Variants in LYRM4 observed in about 807,000 individuals in gnomAD.
The protein encoded by LYRM4 is LYR motif-containing protein 4.
A neutral mutation model predicts 11.7 loss-of-function variants in LYRM4; 9 were observed. The observed-to-expected ratio is 0.77, with a 90% CI of 0.46 to 1.34. The LOEUF (loss-of-function observed/expected upper bound fraction) is 1.34. LYRM4 is among the 40% of genes most tolerant of loss of function. The probability of loss-of-function intolerance (pLI) is 0.00; values close to 1 mark genes in which losing one functional copy is unlikely to be tolerated. For synonymous variants in LYRM4, 42 were observed against 40.4 expected (o/e 1.04, Z -0.15); for missense variants, 133 against 112.5 (o/e 1.18, Z -0.82).
At position 5,109,284 on chromosome 6, in the gene LYRM4, T is replaced by C. The variant is rs1461776024; in HGVS notation, c.*139A>G. On this transcript the variant is annotated 3_prime_UTR_variant, in exon 3 of 3. Transcript: ENST00000330636. The stretch of plus-strand genomic sequence containing the variant: ...CACTAAGCCTGCAACAGAATGCAAA[T>C]GTGACTTGGTTTATCAGCTCCCACA... 1 of 1,525,434 alleles carries C rather than the reference T, an allele frequency of 6.6e-7. No individual in the cohort carries two copies. The highest frequency in any genetic ancestry group is 8.8e-7 in the Non-Finnish European group (1 of 1,134,264). 94.5% of individuals were successfully genotyped at this position (1,525,434 alleles called of 1,614,324 possible). A position where few individuals can be genotyped will look rare whatever the true frequency, so the allele number is the denominator to read the frequency against.
chr6:5,218,474 T>G (rs1762404111), intron 1 of LYRM4: 4 of 685,506 alleles, frequency 5.8e-6, no homozygotes, highest in Non-Finnish European at 5.4e-6. Flanking sequence ...ATTAAAAAAT[T>G]CAAATGTCAG....
chr6:5,086,148 G>A, the LYRM4 span: 3 of 1,513,538 alleles, frequency 2.0e-6, no homozygotes, highest in East Asian at 2.5e-5. Context: ...TGTGCCTGGA[G>A]CGCGTGCAGT....
chr6:5,198,604 C>T (rs970822415), intron 2 of LYRM4, among the ~76,000 whole-genome samples: 12 of 152,186 alleles, frequency 7.9e-5, no homozygotes, highest in African/African-American at 2.9e-4. Context: ...GCTCCAGATG[C>T]TCTGAATTAG....
At chr6:5,228,047 C>A (rs1053372800) in intron 1 of LYRM4, among the ~76,000 whole-genome samples, 1 of 152,130 alleles carries the variant, frequency 6.6e-6, no homozygotes, top group African/African-American at 2.4e-5. Flanking sequence ...AAGCTTAAAA[C>A]CTAGATGATG....
chr6:5,147,072 A>C (rs1418800690), intron 2 of LYRM4, among the ~76,000 whole-genome samples: 1 of 152,166 alleles, frequency 6.6e-6, no homozygotes, highest in East Asian at 1.9e-4. Context: ...GCCTGCTGGA[A>C]GCCATTGGTA....
chr6:5,180,297 T>C (rs1228997102), intron 2 of LYRM4, among the ~76,000 whole-genome samples: 1 of 152,186 alleles, frequency 6.6e-6, no homozygotes, highest in Non-Finnish European at 1.5e-5. Context: ...GGATTGAACA[T>C]CTTCCTAAGC....
At chr6:5,170,380 T>C (rs2183351) in intron 2 of LYRM4, among the ~76,000 whole-genome samples, 45,505 of 151,986 alleles carry the variant, frequency 0.3, 7,115 homozygotes, top group African/African-American at 0.4. Flanking sequence ...TATATATATA[T>C]ATGCATTTTT....
intron 2 of LYRM4, among the ~76,000 whole-genome samples, chr6:5,124,524 T>C (rs1763614537): frequency 6.6e-6 from 1 of 152,222 alleles, no homozygotes; most frequent in Non-Finnish European, 1.5e-5. Flanking sequence ...TGGCCTAAAG[T>C]GTGACTTCAG....
the LYRM4 span, among the ~76,000 whole-genome samples, chr6:5,040,798 AC>A: frequency 1.3e-5 from 2 of 152,118 alleles, no homozygotes; most frequent in African/African-American, 4.8e-5. Context: ...TAAAAACCTG[AC>A]TATATAAAAC....
the LYRM4 span, chr6:5,086,594 G>C: frequency 6.9e-7 from 1 of 1,448,436 alleles, no homozygotes; most frequent in East Asian, 2.5e-5. Context: ...CGTGGGGCGG[G>C]GTTGATTAGC....
At chr6:5,204,276 T>C (rs778989876) in intron 2 of LYRM4, among the ~76,000 whole-genome samples, 5 of 152,096 alleles carry the variant, frequency 3.3e-5, no homozygotes, top group Non-Finnish European at 5.9e-5. Context: ...TTCAACTGAC[T>C]CTGGGGGTGG....
At chr6:5,188,380 AAGAG>A (rs949419085) in intron 2 of LYRM4, among the ~76,000 whole-genome samples, 3 of 149,750 alleles carry the variant, frequency 2.0e-5, no homozygotes, top group African/African-American at 7.6e-5. Flanking sequence ...AGAAAAAAAA[AAGAG>A]AGAGAATGCA....
At chr6:5,049,920 G>A in the LYRM4 span, among the ~76,000 whole-genome samples, 10 of 152,106 alleles carry the variant, frequency 6.6e-5, no homozygotes, top group South Asian at 4.1e-4. Flanking sequence ...TGCCTGCCTC[G>A]GCCTCTTGAA....
rs546366989 is a variant in LYRM4, at chr6:5,155,879, C to T, written c.208-46388G>A. On this transcript the variant is annotated intron_variant, in intron 2 of 2. Coordinates refer to ENST00000330636, the MANE Select transcript of LYRM4 (RefSeq NM_020408.6). ...TATGTTCCAAAGTATTATACATGTT[C>T]CCTGTGAAATACACATTAGTTGTCT... is the stretch of plus-strand genomic sequence containing the variant. 5.0e-3 allele frequency among the ~76,000 whole-genome samples: 758 copies of T among 152,318 alleles called. 5 individuals carry two copies. Among genetic ancestry groups the T allele is most frequent in the Non-Finnish European group, 8.3e-3 (566 of 68,030 alleles).
intron 2 of LYRM4, among the ~76,000 whole-genome samples, chr6:5,156,664 T>C (rs1178512590): frequency 7.2e-6 from 1 of 139,660 alleles, no homozygotes; most frequent in Non-Finnish European, 1.5e-5. Context: ...AATAATGCCC[T>C]GTCTCAGATT....
At chr6:5,247,380 T>C (rs1392048494) in intron 1 of LYRM4, among the ~76,000 whole-genome samples, 1 of 152,234 alleles carries the variant, frequency 6.6e-6, no homozygotes, top group Non-Finnish European at 1.5e-5. Flanking sequence ...GGAGAATCCA[T>C]GATCCTTTCT....
At chr6:5,095,184 A>G in the LYRM4 span, among the ~76,000 whole-genome samples, 1 of 152,128 alleles carries the variant, frequency 6.6e-6, no homozygotes, top group Admixed American at 6.5e-5. Flanking sequence ...AATCGGGGAG[A>G]GGGTGTGATT....
At chr6:5,143,218 A>AGTGGAGTCTGATGACGT (rs58528949) in intron 2 of LYRM4, among the ~76,000 whole-genome samples, 1 of 151,826 alleles carries the variant, frequency 6.6e-6, no homozygotes, top group Admixed American at 6.6e-5. Flanking sequence ...CTTCTGTGTG[A>AGTGGAGTCTGATGACGT]GTCAGCACAC....
At chr6:5,178,556 G>C (rs1759857424) in intron 2 of LYRM4, among the ~76,000 whole-genome samples, 1 of 151,098 alleles carries the variant, frequency 6.6e-6, no homozygotes, top group South Asian at 2.1e-4. Context: ...GCTCACACCT[G>C]TAATCCCAGC....
Sources: gnomAD v4.1 joint callset for allele counts (sites outside exome capture counted in the v4.1 genomes callset) on GRCh38, gnomAD v4.1.1 for gene constraint, MANE v1.5 for transcripts, NCBI Gene and HGNC (gene_info 2026-07-23, HGNC 2026-07-21) for gene names.